Variants in ST8SIA1 observed in about 807,000 individuals in gnomAD.
ST8SIA1 encodes the protein alpha-N-acetylneuraminide alpha-2,8-sialyltransferase.
In ST8SIA1, 16 loss-of-function variants were observed where a neutral mutation model predicts 35.9. That is an observed-to-expected ratio of 0.45 (90% CI 0.30 to 0.68). The LOEUF is 0.68. Ranked by LOEUF, ST8SIA1 falls within the 30% of genes least tolerant of loss-of-function variation. The pLI is 0.09. For missense variants in ST8SIA1, 383 were observed against 453.6 expected (o/e 0.84, Z 1.41); for synonymous variants, 170 against 169.6 (o/e 1.00, Z -0.02).
intron 1 of ST8SIA1, among the ~76,000 whole-genome samples, chr12:22,287,683 G>T (rs1412277821): frequency 6.6e-6 from 1 of 152,074 alleles, no homozygotes; most frequent in Admixed American, 6.5e-5. Context: ...CAGCAGAGGT[G>T]CATCTCTATC....
chr12:22,315,996 A>G (rs1442030450), intron 1 of ST8SIA1, among the ~76,000 whole-genome samples: 1 of 152,084 alleles, frequency 6.6e-6, no homozygotes, highest in Non-Finnish European at 1.5e-5. Context: ...AAATTAAATT[A>G]AATATTTAAA....
chr12:22,216,049 G>A (rs577250194), intron 4 of ST8SIA1, among the ~76,000 whole-genome samples: 22 of 152,298 alleles, frequency 1.4e-4, no homozygotes, highest in African/African-American at 4.1e-4. Flanking sequence ...GAGAAAGAAC[G>A]CTTTGCTGTA....
intron 4 of ST8SIA1, chr12:22,223,477 G>T: frequency 1.0e-6 from 1 of 985,134 alleles, no homozygotes; most frequent in Non-Finnish European, 1.2e-6. Context: ...TTATAGCCGG[G>T]ATTCCAGCTG....
At chr12:22,261,146 G>A (rs1019368208) in intron 2 of ST8SIA1, among the ~76,000 whole-genome samples, 3 of 150,788 alleles carry the variant, frequency 2.0e-5, no homozygotes, top group African/African-American at 7.3e-5. Context: ...TCCTTTGAGG[G>A]TGTATTTGTT....
At chr12:22,208,124 T>A in intron 4 of ST8SIA1, among the ~76,000 whole-genome samples, 1 of 138,262 alleles carries the variant, frequency 7.2e-6, no homozygotes, top group Admixed American at 7.8e-5. Context: ...TGGGTGACAG[T>A]GTCTGTCTCA....
At chr12:22,250,488 T>A (rs1245901457) in intron 3 of ST8SIA1, among the ~76,000 whole-genome samples, 1 of 152,238 alleles carries the variant, frequency 6.6e-6, no homozygotes, top group Admixed American at 6.5e-5. Context: ...CTTTTATTAC[T>A]GAGTCCTCAT....
intron 4 of ST8SIA1, among the ~76,000 whole-genome samples, chr12:22,228,738 G>A (rs1865383955): frequency 6.6e-6 from 1 of 152,096 alleles, no homozygotes; most frequent in African/African-American, 2.4e-5. Context: ...CAGTGGTGGG[G>A]ATGATGACCC....
At chr12:22,285,770 T>G (rs2135815399) in intron 2 of ST8SIA1, among the ~76,000 whole-genome samples, 1 of 148,274 alleles carries the variant, frequency 6.7e-6, no homozygotes, top group African/African-American at 2.5e-5. Flanking sequence ...CTCAGGAGGC[T>G]GAGGCAGGAG....
At chr12:22,310,451 A>G (rs1007146467) in intron 1 of ST8SIA1, among the ~76,000 whole-genome samples, 28 of 152,190 alleles carry the variant, frequency 1.8e-4, no homozygotes, top group African/African-American at 6.8e-4. Flanking sequence ...AGTCAGTGCA[A>G]TAACTCGTCA....
At chr12:22,302,028 A>G (rs1317726602) in intron 1 of ST8SIA1, among the ~76,000 whole-genome samples, 1 of 152,230 alleles carries the variant, frequency 6.6e-6, no homozygotes, top group Non-Finnish European at 1.5e-5. Flanking sequence ...GCAATATAAT[A>G]AAGCAAATCA....
chr12:22,276,092 T>A (rs11613227), intron 2 of ST8SIA1, among the ~76,000 whole-genome samples: 22,997 of 152,144 alleles, frequency 0.15, 1,777 homozygotes, highest in Middle Eastern at 0.24. Flanking sequence ...GGGAGTGATC[T>A]TTCCCTCAGG....
At chr12:22,303,724 C>G (rs1227690734) in intron 1 of ST8SIA1, among the ~76,000 whole-genome samples, 1 of 151,936 alleles carries the variant, frequency 6.6e-6, no homozygotes, top group East Asian at 1.9e-4. Flanking sequence ...TTGTTTCCGT[C>G]TTTTTCCCAT....
At chr12:22,250,790 T>A (rs1482615670) in intron 3 of ST8SIA1, 1 of 152,224 alleles carries the variant, frequency 6.6e-6, no homozygotes, top group Non-Finnish European at 1.5e-5. Context: ...TGATTTAGAA[T>A]CTTCTTTTTA....
chr12:22,283,723 G>GTACT (rs2135814208), intron 2 of ST8SIA1, among the ~76,000 whole-genome samples: 1 of 152,240 alleles, frequency 6.6e-6, no homozygotes, highest in South Asian at 2.1e-4. Context: ...TCAAGCAAGG[G>GTACT]TACTGCAGGG....
At position 22,333,563 on chromosome 12, in the gene ST8SIA1, T is replaced by C. The variant is rs140204131; in HGVS notation, c.236+434A>G. 6.5e-3 allele frequency among the ~76,000 whole-genome samples: 994 copies of C among 152,342 alleles called. 10 individuals carry two copies. Among genetic ancestry groups the C allele is most frequent in the African/African-American group, 0.023 (938 of 41,580 alleles). On this transcript the variant is annotated intron_variant, in intron 1 of 4. Transcript: ENST00000396037. ...CCATCACTCCGACGTTGGGGACTTA[T>C]GTTACCGACTGTGCACTCCACCTCG...
intron 4 of ST8SIA1, among the ~76,000 whole-genome samples, chr12:22,207,205 A>G (rs142437779): frequency 1.4e-3 from 219 of 152,264 alleles, no homozygotes; most frequent in African/African-American, 5.1e-3. Context: ...GGCTTTATGC[A>G]CTCTGGGAGA....
chr12:22,329,158 T>C (rs1866724255), intron 1 of ST8SIA1, among the ~76,000 whole-genome samples: 2 of 152,134 alleles, frequency 1.3e-5, no homozygotes, highest in South Asian at 4.1e-4. Context: ...CAGAGCCAAA[T>C]CATGAGAGAG....
At chr12:22,273,135 T>C (rs1354024257) in intron 2 of ST8SIA1, among the ~76,000 whole-genome samples, 1 of 152,074 alleles carries the variant, frequency 6.6e-6, no homozygotes. Context: ...CACGGGCAGG[T>C]CCTGGCGAAA....
At chr12:22,268,909 T>G (rs1214836532) in intron 2 of ST8SIA1, among the ~76,000 whole-genome samples, 1 of 152,154 alleles carries the variant, frequency 6.6e-6, no homozygotes, top group Non-Finnish European at 1.5e-5. Flanking sequence ...ATATTCTGAT[T>G]TTTTTTCAAG....
Sources: allele counts gnomAD v4.1 joint callset (sites outside exome capture counted in the v4.1 genomes callset), GRCh38; gene constraint gnomAD v4.1.1; transcripts MANE v1.5; gene names NCBI Gene and HGNC (gene_info 2026-07-23, HGNC 2026-07-21).